LEMD2: variants seen among roughly 807,000 people sequenced by gnomAD.
LEMD2 encodes the protein LEM domain nuclear envelope protein 2.
In LEMD2, 34 loss-of-function variants were observed where a neutral mutation model predicts 58.8. That is an observed-to-expected ratio of 0.58 (90% CI 0.44 to 0.77). The LOEUF (loss-of-function observed/expected upper bound fraction) is 0.77, where lower values mean the gene tolerates loss of function less well. LEMD2 is among the 30% of genes least tolerant of loss of function. The probability of loss-of-function intolerance (pLI) is 0.00; values close to 1 mark genes in which losing one functional copy is unlikely to be tolerated. For synonymous variants in LEMD2, 298 were observed against 308.9 expected (o/e 0.96, Z 0.37); for missense variants, 629 against 717.9 (o/e 0.88, Z 1.42).
At chr6:33,786,636 C>G (rs1294524343) in intron 2 of LEMD2, 98 bp downstream of exon 2, 1 of 925,834 alleles carries the variant, frequency 1.1e-6, no homozygotes, top group South Asian at 1.4e-5. Context: ...GAAGCACTCC[C>G]TGAAAATGAT....
chr6:33,785,390 G>A (rs145376574), intron 2 of LEMD2, among the ~76,000 whole-genome samples: 26 of 152,290 alleles, frequency 1.7e-4, no homozygotes, highest in African/African-American at 5.3e-4. Flanking sequence ...AGGGATATCT[G>A]CGTCTGAAGC....
Position 33,778,175 on chromosome 6 carries a change from C to T in LEMD2, c.1156+67G>A. On this transcript the variant is annotated intron_variant, in intron 6 of 8. Transcript: ENST00000293760. This position sits in a 1 kb window ranked among gnomAD's most constrained non-coding sequence, Gnocchi z 4.7. ...CCCTCCGGGCCTGGAATTTCTATAG[C>T]TCATCATTCATGCCTAGGAGTATGC... 7.0e-7 allele frequency: 1 copy of T among 1,436,096 alleles called. No individual in the cohort carries two copies. The highest frequency in any genetic ancestry group is 9.3e-7 in the Non-Finnish European group (1 of 1,077,646). The allele number at this position is 1,436,096 out of a possible 1,614,324, so 89.0% of individuals were successfully genotyped here.
chr6:33,772,377 G>A lies in LEMD2; in HGVS notation c.*251C>T, dbSNP rs555243968. The A allele has an allele frequency of 6.0e-5, 22 of 365,112 alleles. No individual in the cohort carries two copies. Among genetic ancestry groups the A allele is most frequent in the African/African-American group, 3.6e-4 (17 of 47,730 alleles). The allele number at this position is 365,112 out of a possible 1,614,324, so 22.6% of individuals were successfully genotyped here. ...TCATGAAAACTCAACCCTTCTCCCC[G>A]TTTCTGCCAGCACAACAGGGCAGAG... On this transcript the variant is annotated 3_prime_UTR_variant, in exon 9 of 9. Coordinates refer to ENST00000293760, the MANE Select transcript of LEMD2 (RefSeq NM_181336.4).
chr6:33,785,338 C>A (rs190045164), intron 2 of LEMD2, among the ~76,000 whole-genome samples: 44 of 152,328 alleles, frequency 2.9e-4, no homozygotes, highest in Non-Finnish European at 6.0e-4. Flanking sequence ...GGCCCAGCCC[C>A]TGCTTTCTGA....
chr6:33,781,099 A>G lies in LEMD2; in HGVS notation c.908T>C (p.Met303Thr), dbSNP rs778610769. ...ENLKSKCIPV[M>T]EAQEYIANVT... ...TACGGCTATATATTCTTGGGCTTCC[A>G]TAACAGGAATGCATTTGCTTTTTAG... is the stretch of plus-strand genomic sequence containing the variant. The change falls in exon 4 of 9, where the codon ATG (methionine) becomes ACG (threonine). Residue 303 changes from methionine to threonine, a missense_variant. Around this residue, in one of 2 missense-constraint regions of LEMD2, gnomAD observed 243 missense variants for 336.8 expected, o/e 0.72. Coordinates refer to ENST00000293760, the MANE Select transcript of LEMD2 (RefSeq NM_181336.4). 4.3e-6 allele frequency: 7 copies of G among 1,613,418 alleles called. No individual in the cohort carries two copies. In the Admixed American group the frequency reaches 8.3e-5, roughly 19 times the overall value.
At chr6:33,780,741 C>CG (rs768209934) in intron 4 of LEMD2, among the ~76,000 whole-genome samples, 16 of 152,080 alleles carry the variant, frequency 1.1e-4, no homozygotes, top group African/African-American at 3.9e-4. Context: ...GGTAATCATA[C>CG]GGGGGAGAAG....
chr6:33,788,392 G>T lies in LEMD2; in HGVS notation c.725C>A (p.Ala242Glu). The T allele has an allele frequency of 1.3e-6, 2 of 1,578,366 alleles. No individual in the cohort carries two copies. Among genetic ancestry groups the T allele is most frequent in the Non-Finnish European group, 1.7e-6 (2 of 1,163,762 alleles). Residue 242 changes from alanine (A) to glutamate (E), a missense_variant, in exon 1 of 9, where the codon GCG becomes GAG. Ala to Glu is a moderately radical substitution (Grantham distance 107, BLOSUM62 -1). Coordinates refer to ENST00000293760, the MANE Select transcript of LEMD2 (RefSeq NM_181336.4). Reference protein sequence around the residue: ...KMGKPSAPQEAEDNMKLLPVD... With the variant: ...KMGKPSAPQEEEDNMKLLPVD... ...GGCCCAGGACGTACTGTTGTCCTCC[G>T]CCTCCTGCGGCGCTGAGGGCTTGCC...
chr6:33,777,333 C>A (rs1398019135), intron 6 of LEMD2, 94 bp from the exon 7 acceptor site: 3 of 888,904 alleles, frequency 3.4e-6, no homozygotes, highest in Non-Finnish European at 5.8e-6. Flanking sequence ...TGTGGGGGAT[C>A]CACCACATGG....
At chr6:33,783,831 G>A (rs1767615456) in intron 3 of LEMD2, among the ~76,000 whole-genome samples, 2 of 152,226 alleles carry the variant, frequency 1.3e-5, no homozygotes, top group South Asian at 4.1e-4. Context: ...TGAAGACCCT[G>A]AGAGGATCAG....
Position 33,772,193 on chromosome 6 carries a change from C to T in LEMD2, c.*435G>A, listed in dbSNP as rs558319411. The stretch of plus-strand genomic sequence containing the variant: ...ACCCTGGAGCTCTCAAGTAACAACC[C>T]CCTGAAGGCACATGGACCAAGCTGC... On this transcript the variant is annotated 3_prime_UTR_variant, in exon 9 of 9. Transcript: ENST00000293760. 55 of 159,680 alleles carry T rather than the reference C, an allele frequency of 3.4e-4. No individual in the cohort carries two copies. The South Asian group carries it at 9.0e-3, about 26-fold the overall frequency. 9.9% of individuals were successfully genotyped at this position (159,680 alleles called of 1,614,324 possible).
chr6:33,775,373 A>G (rs117209009), intron 8 of LEMD2, among the ~76,000 whole-genome samples: 4,006 of 152,286 alleles, frequency 0.026, 68 homozygotes, highest in South Asian at 0.067. Context: ...GCTGATGTGC[A>G]GTGGCATAGT....
chr6:33,777,124 A>AG lies in LEMD2; in HGVS notation c.1258+13dup. The AG allele has an allele frequency of 6.2e-7, 1 of 1,611,982 alleles. No homozygotes were observed. The highest frequency in any genetic ancestry group is 8.5e-7 in the Non-Finnish European group (1 of 1,178,002). On this transcript the variant is annotated intron_variant, in intron 7 of 8. Coordinates refer to ENST00000293760, the MANE Select transcript of LEMD2 (RefSeq NM_181336.4). ...TGGCGTCGGCAACCCTTTATTCACC[A>AG]GGGGGCCACGCACCTATAATCTTCT...
At chr6:33,775,051 A>G (rs1767398396) in intron 8 of LEMD2, among the ~76,000 whole-genome samples, 1 of 152,208 alleles carries the variant, frequency 6.6e-6, no homozygotes, top group African/African-American at 2.4e-5. Flanking sequence ...GCATTTTAGG[A>G]TAAGGAAACT....
chr6:33,772,334 G>A lies in LEMD2; in HGVS notation c.*294C>T. Reference sequence around the variant, plus strand: ...CGCTTGTCAGCTGGGCCTGACAGCTGCTGCTCTTGTTTTCTATTCATGAAA... The same window carrying A: ...CGCTTGTCAGCTGGGCCTGACAGCTACTGCTCTTGTTTTCTATTCATGAAA... On this transcript the variant is annotated 3_prime_UTR_variant, in exon 9 of 9. Transcript: ENST00000293760. 1 of 251,280 alleles carries A rather than the reference G, an allele frequency of 4.0e-6. No individual in the cohort carries two copies. The highest frequency in any genetic ancestry group is 7.6e-6 in the Non-Finnish European group (1 of 131,466). 15.6% of individuals were successfully genotyped at this position (251,280 alleles called of 1,614,324 possible). A position where few individuals can be genotyped will look rare whatever the true frequency, so the allele number is the denominator to read the frequency against.
At position 33,789,127 on chromosome 6, in the gene LEMD2, C is replaced by G; in HGVS notation, c.-11G>C. 7 of 1,490,520 alleles carry G rather than the reference C, an allele frequency of 4.7e-6. No individual in the cohort carries two copies. Among genetic ancestry groups the G allele is most frequent in the Non-Finnish European group, 6.2e-6 (7 of 1,130,464 alleles). 92.3% of individuals were successfully genotyped at this position (1,490,520 alleles called of 1,614,324 possible). The stretch of plus-strand genomic sequence containing the variant: ...CGACAGGCCGGCCATGGCCAGGACG[C>G]CGCCCCCCGCCCGCCCCTGGCGCGC... On this transcript the variant is annotated 5_prime_UTR_variant, in exon 1 of 9. Transcript: ENST00000293760.
chr6:33,780,212 C>T (rs1215551724), intron 4 of LEMD2, 33 bp from the exon 5 acceptor site: 6 of 1,540,028 alleles, frequency 3.9e-6, no homozygotes, highest in East Asian at 2.4e-5. Context: ...GTTAGTTCGG[C>T]GTCTGGGCGG....
chr6:33,779,178 G>C (rs1156754503), intron 5 of LEMD2: 1 of 152,078 alleles, frequency 6.6e-6, no homozygotes, highest in East Asian at 1.9e-4. Context: ...AGCAGCTTCA[G>C]TGAGCGCTGC....
At chr6:33,779,770 A>G (rs1343962390) in intron 5 of LEMD2, 2 of 241,534 alleles carry the variant, frequency 8.3e-6, no homozygotes, top group African/African-American at 4.5e-5. Context: ...GGAAGTGCAG[A>G]AAAATGCCTT....
chr6:33,780,028 C>G (rs564709026), intron 5 of LEMD2, 72 bp downstream of exon 5: 1 of 1,290,028 alleles, frequency 7.8e-7, no homozygotes, highest in Non-Finnish European at 1.1e-6. Context: ...TGTTGGAGCA[C>G]GGGTGTTAGC....
Sources: allele counts gnomAD v4.1 joint callset (sites outside exome capture counted in the v4.1 genomes callset), GRCh38; gene constraint gnomAD v4.1.1; regional missense constraint gnomAD v4.1.1; non-coding constraint Gnocchi (gnomAD v3.1); transcripts MANE v1.5; gene names NCBI Gene and HGNC (gene_info 2026-07-23, HGNC 2026-07-21).